The following TPM1 variants were observed in gnomAD, a reference collection of about 807,000 sequenced individuals.
TPM1 encodes the protein tropomyosin alpha-1 chain.
A neutral mutation model predicts 42.9 loss-of-function variants in TPM1; 24 were observed. The observed-to-expected ratio is 0.56, with a 90% CI of 0.41 to 0.79. TPM1 has a LOEUF of 0.79. Among genes scored for constraint, TPM1 ranks in the 30% least tolerant of loss-of-function variants. The probability of loss-of-function intolerance (pLI) is 0.00; values close to 1 mark genes in which losing one functional copy is unlikely to be tolerated. For synonymous variants in TPM1, 136 were observed against 130.1 expected, an observed-to-expected ratio of 1.05 and a Z score of -0.31; for missense variants, 158 against 351.8, an observed-to-expected ratio of 0.45 and a Z score of 4.41.
intron 8 of TPM1, chr15:63,063,333 G>A (rs900730704): frequency 2.0e-6 from 2 of 985,464 alleles, no homozygotes; most frequent in Non-Finnish European, 2.4e-6. Context: ...AACCAAAATA[G>A]TGGAGAAGAG....
chr15:63,053,788 TCTC>T (rs565062471), intron 2 of TPM1, among the ~76,000 whole-genome samples: 4 of 151,016 alleles, frequency 2.6e-5, no homozygotes, highest in East Asian at 4.0e-4. Flanking sequence ...TTCAAGCAAT[TCTC>T]CTGCCTCAGC....
intron 2 of TPM1, among the ~76,000 whole-genome samples, chr15:63,055,106 C>A (rs1324604166): frequency 6.6e-6 from 1 of 151,926 alleles, no homozygotes; most frequent in Non-Finnish European, 1.5e-5. Flanking sequence ...CCTCACCCTT[C>A]AATACACACA....
chr15:63,068,744 G>A (rs771090203), downstream of TPM1, among the ~76,000 whole-genome samples: 4 of 152,148 alleles, frequency 2.6e-5, no homozygotes, highest in East Asian at 1.9e-4. Flanking sequence ...AGCAGATCAC[G>A]TGTCAGTGTG....
chr15:63,043,392 G>A, intron 1 of TPM1: 1 of 601,076 alleles, frequency 1.7e-6, no homozygotes, highest in South Asian at 1.5e-5. Context: ...TGTTACCTAA[G>A]AACAAAGATG....
chr15:63,063,478 A>G, intron 8 of TPM1: 2 of 606,980 alleles, frequency 3.3e-6, no homozygotes, highest in South Asian at 7.2e-5. Context: ...TGGACCAGTA[A>G]TAGGCAGCTT....
downstream of TPM1, chr15:63,070,573 C>T: frequency 9.9e-7 from 1 of 1,006,930 alleles, no homozygotes; most frequent in Non-Finnish European, 1.2e-6. Flanking sequence ...ATGAAGTGTG[C>T]ATGAAACATG....
At chr15:63,049,587 C>T (rs541645133) in intron 2 of TPM1, among the ~76,000 whole-genome samples, 35 of 152,166 alleles carry the variant, frequency 2.3e-4, no homozygotes, top group Non-Finnish European at 7.4e-5. Flanking sequence ...AAACAAACAC[C>T]TTGGGAGTTT....
At chr15:63,060,822 A>G in intron 4 of TPM1, 47 bp from the exon 5 acceptor site, 1 of 1,611,430 alleles carries the variant, frequency 6.2e-7, no homozygotes, top group Non-Finnish European at 8.5e-7. Flanking sequence ...TCTGTTACAC[A>G]AAGCTTGCAA....
chr15:63,059,861 G>T (rs2035363521), intron 4 of TPM1, 181 bp downstream of exon 4: 3 of 469,066 alleles, frequency 6.4e-6, no homozygotes, highest in Non-Finnish European at 1.2e-5. Flanking sequence ...CCTGCTAGGG[G>T]ATCCCAGGCT....
At chr15:63,069,746 C>T (rs1024353926), downstream of TPM1, 3 of 1,223,406 alleles carry the variant, frequency 2.5e-6, no homozygotes, top group Admixed American at 5.5e-5. Flanking sequence ...AACTGCTCAG[C>T]AAGTGACCAG....
intron 5 of TPM1, chr15:63,061,448 A>G: frequency 1.3e-6 from 1 of 785,260 alleles, no homozygotes; most frequent in Non-Finnish European, 2.2e-6. Flanking sequence ...TTCCCTTCAT[A>G]AATGCTCTTT....
chr15:63,062,867 C>T, intron 8 of TPM1: 1 of 1,518,110 alleles, frequency 6.6e-7, no homozygotes. Context: ...TGGCAAATGC[C>T]ATCCAGCTTG....
intron 5 of TPM1, 64 bp from the exon 6 acceptor site, chr15:63,061,649 C>T: frequency 6.6e-7 from 1 of 1,512,302 alleles, no homozygotes; most frequent in Non-Finnish European, 9.2e-7. Flanking sequence ...CATCCCTCTC[C>T]TTTTTCTCTC....
chr15:63,055,949 A>G (rs1211142189), intron 2 of TPM1: 1 of 152,230 alleles, frequency 6.6e-6, no homozygotes, highest in Non-Finnish European at 1.5e-5. Context: ...GATACCAAGT[A>G]AAAACAGTAC....
intron 2 of TPM1, chr15:63,048,228 C>T (rs1427920816): frequency 6.3e-6 from 3 of 474,348 alleles, no homozygotes; most frequent in East Asian, 6.6e-5. Context: ...AGCCAGAGCC[C>T]TAGTGCAGTG....
intron 1 of TPM1, chr15:63,043,537 G>T: frequency 5.4e-6 from 6 of 1,110,864 alleles, no homozygotes; most frequent in Non-Finnish European, 7.9e-6. Context: ...GGGGTGAGCC[G>T]CGGAGCGGTT....
downstream of TPM1, among the ~76,000 whole-genome samples, chr15:63,067,108 T>C (rs2036323082): frequency 3.9e-5 from 6 of 152,314 alleles, no homozygotes; most frequent in South Asian, 1.0e-3. Flanking sequence ...TCTCCTGTTT[T>C]TTTTTTAACA....
At chr15:63,051,751 T>C (rs1291188251) in intron 2 of TPM1, among the ~76,000 whole-genome samples, 1 of 152,222 alleles carries the variant, frequency 6.6e-6, no homozygotes, top group Non-Finnish European at 1.5e-5. Context: ...TAGATTATAA[T>C]ATTCTCCCAC....
chr15:63,056,106 G>A (rs2034741736), intron 2 of TPM1: 1 of 152,200 alleles, frequency 6.6e-6, no homozygotes, highest in South Asian at 2.1e-4. Context: ...AGGGGTTACT[G>A]GATTGTGTTG....
Sources: allele counts gnomAD v4.1 joint callset (sites outside exome capture counted in the v4.1 genomes callset), GRCh38; gene constraint gnomAD v4.1.1; transcripts MANE v1.5; gene names NCBI Gene and HGNC (gene_info 2026-07-23, HGNC 2026-07-21).